Variants in CASK observed in about 807,000 individuals in gnomAD.
The protein encoded by CASK is calcium/calmodulin dependent serine protein kinase.
Under a neutral mutation model 82.9 loss-of-function variants are expected in CASK, and 4 were observed. That is an observed-to-expected ratio of 0.05 (90% CI 0.02 to 0.11). The LOEUF is 0.11. CASK is among the 10% of genes least tolerant of loss of function. The pLI is 1.00. For missense variants in CASK, 358 were observed against 720.9 expected (o/e 0.50, Z 5.76); for synonymous variants, 259 against 253.5 (o/e 1.02, Z -0.20).
chrX:41,613,848 T>G (rs750364180), intron 11 of CASK, among the ~76,000 whole-genome samples: 2 of 111,676 alleles, frequency 1.8e-5, no homozygotes, highest in African/African-American at 6.5e-5. Context: ...TTTTCTACAA[T>G]AGCAAAACAA....
chrX:41,633,396 G>C (rs1373399367), intron 9 of CASK, among the ~76,000 whole-genome samples: 1 of 110,411 alleles, frequency 9.1e-6, no homozygotes, highest in African/African-American at 3.3e-5. Context: ...ACCTCCTTCA[G>C]TAGATGACAG....
intron 3 of CASK, among the ~76,000 whole-genome samples, chrX:41,774,945 T>A (rs2069322398): frequency 9.0e-6 from 1 of 111,695 alleles, no homozygotes; most frequent in African/African-American, 3.3e-5. Flanking sequence ...GAAGAAAACC[T>A]AGGCATTACC....
At chrX:41,913,797 G>A (rs1257191652) in intron 1 of CASK, among the ~76,000 whole-genome samples, 1 of 112,161 alleles carries the variant, frequency 8.9e-6, no homozygotes, top group Non-Finnish European at 1.9e-5. Context: ...AATGGTTTGT[G>A]AAGCAGCTAT....
intron 14 of CASK, among the ~76,000 whole-genome samples, chrX:41,581,710 G>A (rs373999905): frequency 2.5e-4 from 27 of 108,383 alleles, no homozygotes; most frequent in African/African-American, 8.1e-4. Flanking sequence ...AAGATAGAAA[G>A]CCCCAGCATT....
intron 5 of CASK, chrX:41,683,263 TC>T (rs1304405615): frequency 3.6e-5 from 4 of 111,733 alleles, no homozygotes; most frequent in African/African-American, 1.3e-4. Flanking sequence ...TTTGACCTGC[TC>T]CGCTGACAAC....
In CASK at chrX:41,625,264, C is replaced by G. The variant is rs757306118; in HGVS notation, c.1015+1340G>C. On this transcript the variant is annotated intron_variant, in intron 10 of 26. Coordinates refer to ENST00000378163, the MANE Select transcript of CASK (RefSeq NM_001367721.1). Reference sequence around the variant, plus strand: ...GCAGTGGCGTGATCTCGGCTCACTGCAAGCTCTGCCTGCCGGGTTCACGCC... The same window carrying G: ...GCAGTGGCGTGATCTCGGCTCACTGGAAGCTCTGCCTGCCGGGTTCACGCC... 2.9e-5 allele frequency among the ~76,000 whole-genome samples: 3 copies of G among 102,737 alleles called. No homozygotes were observed. The East Asian group carries it at 9.2e-4, about 31-fold the overall frequency. 89.2% of individuals were successfully genotyped at this position (102,737 alleles called of 115,157 possible).
chrX:41,596,203 A>AAT (rs1307796576), intron 12 of CASK, among the ~76,000 whole-genome samples: 1 of 109,774 alleles, frequency 9.1e-6, no homozygotes, highest in Non-Finnish European at 1.9e-5. Context: ...TCAAAAAAAA[A>AAT]AAAAAAAAGA....
chrX:41,849,281 A>C (rs1354549500), intron 2 of CASK, among the ~76,000 whole-genome samples: 2 of 111,926 alleles, frequency 1.8e-5, no homozygotes, highest in Non-Finnish European at 3.8e-5. Context: ...TAGTTTCCTT[A>C]TTATAATTTG....
At chrX:41,914,154 C>T (rs891568263) in intron 1 of CASK, among the ~76,000 whole-genome samples, 20 of 111,675 alleles carry the variant, frequency 1.8e-4, no homozygotes, top group African/African-American at 5.5e-4. Flanking sequence ...TTTAAATATA[C>T]CAAAATACTC....
At chrX:41,634,159 A>G (rs1005146138) in intron 9 of CASK, among the ~76,000 whole-genome samples, 3 of 112,233 alleles carry the variant, frequency 2.7e-5, no homozygotes, top group Non-Finnish European at 5.6e-5. Flanking sequence ...GAGGAGGTTA[A>G]GAATAGTGTC....
chrX:41,536,480 C>T (rs904273526), intron 22 of CASK, among the ~76,000 whole-genome samples: 1 of 111,295 alleles, frequency 9.0e-6, no homozygotes, highest in African/African-American at 3.3e-5. Flanking sequence ...GGCCAAATGA[C>T]TGTGAATATC....
intron 1 of CASK, among the ~76,000 whole-genome samples, chrX:41,862,818 T>C (rs1806004897): frequency 9.0e-6 from 1 of 111,403 alleles, no homozygotes; most frequent in African/African-American, 3.3e-5. Context: ...TAGATGGTGG[T>C]TGGGGTTGAG....
At chrX:41,917,604 G>A (rs970866909) in intron 1 of CASK, among the ~76,000 whole-genome samples, 4 of 111,875 alleles carry the variant, frequency 3.6e-5, no homozygotes, top group Non-Finnish European at 7.5e-5. Flanking sequence ...TGAAACTGTT[G>A]CAGATACAAG....
At chrX:41,537,374 T>C (rs1315046543) in intron 22 of CASK, among the ~76,000 whole-genome samples, 1 of 110,867 alleles carries the variant, frequency 9.0e-6, no homozygotes, top group Admixed American at 9.7e-5. Flanking sequence ...CTTTTAAAGG[T>C]TTTAAGTTGC....
chrX:41,680,233 CAGCACTTTGGGA>C (rs2067328295), intron 5 of CASK, among the ~76,000 whole-genome samples: 1 of 108,691 alleles, frequency 9.2e-6, no homozygotes, highest in African/African-American at 3.4e-5. Flanking sequence ...CCTGTAATCT[CAGCACTTTGGGA>C]AGCCGAGGTG....
chrX:41,769,943 T>TCAACAACAACAA (rs753101943), intron 3 of CASK, among the ~76,000 whole-genome samples: 1 of 110,374 alleles, frequency 9.1e-6, no homozygotes, highest in African/African-American at 3.3e-5. Context: ...AGACCCTGTC[T>TCAACAACAACAA]CAACAACAAC....
At chrX:41,920,082 G>GT (rs769782213) in intron 1 of CASK, among the ~76,000 whole-genome samples, 9 of 111,861 alleles carry the variant, frequency 8.0e-5, no homozygotes, top group Non-Finnish European at 1.7e-4. Flanking sequence ...AGGTAGAGGA[G>GT]TGAGTGGGTA....
chrX:41,772,232 TCCCAGCTA>T (rs1030134952), intron 3 of CASK, among the ~76,000 whole-genome samples: 2 of 104,205 alleles, frequency 1.9e-5, no homozygotes, highest in Non-Finnish European at 3.9e-5. Flanking sequence ...GCACCTGTAA[TCCCAGCTA>T]CCTGGGAGGC....
intron 14 of CASK, chrX:41,586,425 T>G: frequency 8.6e-6 from 1 of 115,755 alleles, no homozygotes; most frequent in East Asian, 2.7e-4. Context: ...TGAGCTTTGT[T>G]TAGCTATTTA....
Sources: allele counts gnomAD v4.1 joint callset (sites outside exome capture counted in the v4.1 genomes callset), GRCh38; gene constraint gnomAD v4.1.1; transcripts MANE v1.5; gene names NCBI Gene and HGNC (gene_info 2026-07-23, HGNC 2026-07-21).